The following MACROD2 variants were observed in gnomAD, a reference collection of about 807,000 sequenced individuals.
MACROD2 encodes ADP-ribose glycohydrolase MACROD2.
A neutral mutation model predicts 70.4 loss-of-function variants in MACROD2; 36 were observed. The observed-to-expected ratio is 0.51, with a 90% CI of 0.39 to 0.68. MACROD2 has a LOEUF of 0.68. Among genes scored for constraint, MACROD2 ranks in the 30% least tolerant of loss-of-function variants. The probability of loss-of-function intolerance (pLI) is 0.00; values close to 1 mark genes in which losing one functional copy is unlikely to be tolerated. For synonymous variants in MACROD2, 172 were observed against 178.8 expected (o/e 0.96, Z 0.30); for missense variants, 496 against 538.4 (o/e 0.92, Z 0.78).
chr20:14,408,067 T>A (rs1046741898), intron 3 of MACROD2, among the ~76,000 whole-genome samples: 1 of 152,184 alleles, frequency 6.6e-6, no homozygotes, highest in Non-Finnish European at 1.5e-5. Flanking sequence ...ATGTAACTTA[T>A]CTGTGCCTTA....
At chr20:14,623,287 G>T (rs962358024) in intron 4 of MACROD2, among the ~76,000 whole-genome samples, 4 of 152,022 alleles carry the variant, frequency 2.6e-5, no homozygotes, top group African/African-American at 4.8e-5. Flanking sequence ...ATGGAAGGAA[G>T]CTCAAAGAGC....
At chr20:15,708,216 T>G (rs767036664) in intron 8 of MACROD2, among the ~76,000 whole-genome samples, 7 of 152,174 alleles carry the variant, frequency 4.6e-5, no homozygotes, top group Non-Finnish European at 1.0e-4. Context: ...CCAGTTCCCC[T>G]GCCCTTGTGC....
At chr20:16,008,852 T>C (rs1042122835) in intron 15 of MACROD2, among the ~76,000 whole-genome samples, 2 of 152,278 alleles carry the variant, frequency 1.3e-5, no homozygotes, top group East Asian at 3.9e-4. Context: ...CCTCCTGCCA[T>C]ATAATTACTT....
chr20:15,168,373 C>T (rs1442569771), intron 5 of MACROD2, among the ~76,000 whole-genome samples: 1 of 151,832 alleles, frequency 6.6e-6, no homozygotes, highest in Non-Finnish European at 1.5e-5. Context: ...GATGAATACA[C>T]TTTCTGTGCT....
intron 8 of MACROD2, among the ~76,000 whole-genome samples, chr20:15,572,400 A>G (rs1328108852): frequency 2.1e-5 from 3 of 145,362 alleles, no homozygotes; most frequent in Non-Finnish European, 4.6e-5. Context: ...TTTAAAATTA[A>G]CCATTTCTCA....
intron 3 of MACROD2, among the ~76,000 whole-genome samples, chr20:14,446,913 C>T (rs1338275326): frequency 6.6e-6 from 1 of 152,114 alleles, no homozygotes; most frequent in Non-Finnish European, 1.5e-5. Context: ...AACTTATAAA[C>T]TGATACAACA....
intron 4 of MACROD2, among the ~76,000 whole-genome samples, chr20:14,531,678 A>G (rs1011033466): frequency 2.0e-5 from 3 of 152,220 alleles, no homozygotes; most frequent in Non-Finnish European, 4.4e-5. Context: ...ATAATTTTAT[A>G]GTTTACCAGA....
At chr20:14,247,667 CAGA>C (rs1029341426) in intron 3 of MACROD2, among the ~76,000 whole-genome samples, 20 of 152,214 alleles carry the variant, frequency 1.3e-4, no homozygotes, top group Middle Eastern at 6.8e-3. Context: ...TTTAACACTG[CAGA>C]AGAAGTGCCT....
intron 3 of MACROD2, among the ~76,000 whole-genome samples, chr20:14,402,903 C>T (rs1400851849): frequency 6.6e-6 from 1 of 152,066 alleles, no homozygotes; most frequent in Non-Finnish European, 1.5e-5. Flanking sequence ...AGGCTATATG[C>T]TAATGACAGA....
At chr20:14,994,055 A>G (rs2074928723) in intron 5 of MACROD2, among the ~76,000 whole-genome samples, 1 of 152,306 alleles carries the variant, frequency 6.6e-6, no homozygotes, top group East Asian at 1.9e-4. Context: ...GTTGGAGAAG[A>G]CATCCAAGAG....
At chr20:15,832,819 A>C (rs951534003) in intron 8 of MACROD2, among the ~76,000 whole-genome samples, 1 of 152,206 alleles carries the variant, frequency 6.6e-6, no homozygotes, top group African/African-American at 2.4e-5. Context: ...GACCATTCTT[A>C]TGTGCACCAA....
At chr20:14,865,042 C>T (rs915623546) in intron 5 of MACROD2, among the ~76,000 whole-genome samples, 1 of 152,028 alleles carries the variant, frequency 6.6e-6, no homozygotes, top group Non-Finnish European at 1.5e-5. Context: ...GGTCCTGGGC[C>T]TGTTTGGTTT....
intron 5 of MACROD2, among the ~76,000 whole-genome samples, chr20:15,134,601 C>T (rs1490956300): frequency 6.6e-6 from 1 of 151,798 alleles, no homozygotes; most frequent in Non-Finnish European, 1.5e-5. Context: ...ACTAAATGCC[C>T]ACAAGAGAAA....
At chr20:16,006,871 T>TGGG (rs1319429401) in intron 15 of MACROD2, among the ~76,000 whole-genome samples, 7 of 152,194 alleles carry the variant, frequency 4.6e-5, no homozygotes, top group Non-Finnish European at 5.9e-5. Context: ...GCCAAAACAT[T>TGGG]TGATTAGAAC....
chr20:15,694,077 C>CAG (rs1480375516), intron 8 of MACROD2, among the ~76,000 whole-genome samples: 1 of 152,076 alleles, frequency 6.6e-6, no homozygotes, highest in Non-Finnish European at 1.5e-5. Flanking sequence ...AGTATTCCAT[C>CAG]ATATATATAT....
chr20:14,914,336 G>C (rs2122608208), intron 5 of MACROD2, among the ~76,000 whole-genome samples: 1 of 152,264 alleles, frequency 6.6e-6, no homozygotes, highest in African/African-American at 2.4e-5. Flanking sequence ...ATTTCCCTCA[G>C]GATATTTAGT....
intron 12 of MACROD2, among the ~76,000 whole-genome samples, chr20:15,950,355 C>T (rs989472691): frequency 6.6e-6 from 1 of 152,088 alleles, no homozygotes; most frequent in African/African-American, 2.4e-5. Flanking sequence ...CTGACAGCAG[C>T]AGGACTCTCA....
chr20:14,861,993 T>TA (rs1568838577), intron 5 of MACROD2, among the ~76,000 whole-genome samples: 1 of 36,516 alleles, frequency 2.7e-5, no homozygotes, highest in Non-Finnish European at 5.4e-5. Flanking sequence ...ATATATATAT[T>TA]TATATATATA....
intron 8 of MACROD2, among the ~76,000 whole-genome samples, chr20:15,762,734 A>T (rs1177658428): frequency 6.6e-6 from 1 of 152,222 alleles, no homozygotes; most frequent in East Asian, 1.9e-4. Context: ...GACATGTAAG[A>T]TAAAACTGTT....
Sources: gnomAD v4.1 joint callset for allele counts (sites outside exome capture counted in the v4.1 genomes callset) on GRCh38, gnomAD v4.1.1 for gene constraint, MANE v1.5 for transcripts, NCBI Gene and HGNC (gene_info 2026-07-23, HGNC 2026-07-21) for gene names.